SPATA17: variants seen among roughly 807,000 people sequenced by gnomAD.
The protein encoded by SPATA17 is spermatogenesis-associated protein 17.
A neutral mutation model predicts 62.2 loss-of-function variants in SPATA17; 53 were observed. That is an observed-to-expected ratio of 0.85 (90% CI 0.68 to 1.07). The LOEUF is 1.07. Among genes scored for constraint, SPATA17 ranks in the 50% least tolerant of loss-of-function variants. SPATA17 has a pLI of 0.00. For synonymous variants in SPATA17, 146 were observed against 146.8 expected (o/e 0.99, Z 0.04); for missense variants, 466 against 425.5 (o/e 1.10, Z -0.84).
chr1:217,836,719 C>A (rs1049544913), intron 9 of SPATA17, among the ~76,000 whole-genome samples: 1 of 152,110 alleles, frequency 6.6e-6, no homozygotes, highest in Non-Finnish European at 1.5e-5. Context: ...TAATTTCCAG[C>A]CTTCTCGGCT....
At chr1:217,738,689 C>T (rs1249446447) in intron 5 of SPATA17, among the ~76,000 whole-genome samples, 4 of 152,336 alleles carry the variant, frequency 2.6e-5, no homozygotes, top group South Asian at 2.1e-4. Flanking sequence ...CGATGGCTCA[C>T]GCCTGCAATC....
intron 9 of SPATA17, among the ~76,000 whole-genome samples, chr1:217,831,198 T>C (rs1174527900): frequency 2.6e-5 from 4 of 152,188 alleles, no homozygotes; most frequent in Non-Finnish European, 5.9e-5. Context: ...TTATGCTGTC[T>C]AACTAGCAAT....
At chr1:217,827,465 T>C (rs1238188171) in intron 9 of SPATA17, among the ~76,000 whole-genome samples, 2 of 152,126 alleles carry the variant, frequency 1.3e-5, no homozygotes, top group Non-Finnish European at 2.9e-5. Context: ...GAAGACAACA[T>C]GGCAATTCAT....
chr1:217,651,341 A>T (rs1670309150), intron 3 of SPATA17, among the ~76,000 whole-genome samples, 163 bp downstream of exon 3: 1 of 152,148 alleles, frequency 6.6e-6, no homozygotes, highest in African/African-American at 2.4e-5. Flanking sequence ...TCTTGAAAGC[A>T]TTTTCTGATA....
intron 6 of SPATA17, among the ~76,000 whole-genome samples, chr1:217,762,387 T>G (rs2102963938): frequency 6.6e-6 from 1 of 152,316 alleles, no homozygotes; most frequent in East Asian, 1.9e-4. Context: ...CTTCTCTGAC[T>G]TGGTTCCAAA....
chr1:217,684,995 T>C (rs1420974610), intron 5 of SPATA17, among the ~76,000 whole-genome samples: 1 of 152,012 alleles, frequency 6.6e-6, no homozygotes, highest in Non-Finnish European at 1.5e-5. Context: ...AGTAGGAAAA[T>C]TCAGAAACAC....
intron 6 of SPATA17, among the ~76,000 whole-genome samples, chr1:217,752,989 C>T (rs934915359): frequency 5.3e-5 from 8 of 152,164 alleles, no homozygotes; most frequent in African/African-American, 1.9e-4. Context: ...CTAGATTAAA[C>T]ATGTACCCAC....
intron 5 of SPATA17, among the ~76,000 whole-genome samples, chr1:217,738,622 C>T (rs1294529842): frequency 6.6e-6 from 1 of 152,168 alleles, no homozygotes; most frequent in African/African-American, 2.4e-5. Context: ...TAGTAAGGAG[C>T]ACAGCAGAGC....
chr1:217,738,307 A>G (rs910443599), intron 5 of SPATA17, among the ~76,000 whole-genome samples: 4 of 152,220 alleles, frequency 2.6e-5, no homozygotes, highest in African/African-American at 4.8e-5. Flanking sequence ...CATGCTCTAT[A>G]TTGTGTAATT....
chr1:217,860,001 C>T lies in SPATA17; in HGVS notation c.1006-2773C>T, dbSNP rs558992362. ...CTAAAGTGGAAGCTTTGATTATTGA[C>T]TTTAGATTTTTCTTCTTTTCTAGTA... On this transcript the variant is annotated intron_variant, in intron 9 of 10. Transcript: ENST00000366933. Among the ~76,000 whole-genome samples, 293 of 152,156 alleles carry T rather than the reference C, an allele frequency of 1.9e-3. 5 individuals carry two copies. In the South Asian group the frequency reaches 0.019, roughly 10 times the overall value.
At chr1:217,700,402 A>G (rs1264874464) in intron 5 of SPATA17, among the ~76,000 whole-genome samples, 1 of 152,140 alleles carries the variant, frequency 6.6e-6, no homozygotes, top group African/African-American at 2.4e-5. Context: ...TTTAAATCTA[A>G]TAATTTGGAA....
intron 5 of SPATA17, among the ~76,000 whole-genome samples, chr1:217,710,572 G>T (rs1048729235): frequency 2.0e-5 from 3 of 152,018 alleles, no homozygotes; most frequent in Admixed American, 6.6e-5. Flanking sequence ...GTATAATATA[G>T]TTTGGCTAGA....
intron 8 of SPATA17, among the ~76,000 whole-genome samples, chr1:217,798,575 T>C (rs1674213974): frequency 6.6e-6 from 1 of 151,320 alleles, no homozygotes; most frequent in Non-Finnish European, 1.5e-5. Flanking sequence ...GCATGTAATT[T>C]AGCAACAGAG....
intron 5 of SPATA17, among the ~76,000 whole-genome samples, chr1:217,698,476 G>C (rs1671512895): frequency 6.6e-6 from 1 of 151,620 alleles, no homozygotes. Flanking sequence ...TCAGAATGTG[G>C]CTGGGATTTC....
chr1:217,834,539 A>G (rs11117947), intron 9 of SPATA17, among the ~76,000 whole-genome samples: 4,179 of 152,224 alleles, frequency 0.027, 176 homozygotes, highest in African/African-American at 0.095. Context: ...TTATTTTTTA[A>G]CAAAAATTTT....
At chr1:217,817,078 A>G (rs1045895224) in intron 9 of SPATA17, among the ~76,000 whole-genome samples, 1 of 152,098 alleles carries the variant, frequency 6.6e-6, no homozygotes, top group African/African-American at 2.4e-5. Context: ...AGTAAATATT[A>G]TAGAAGTTGT....
intron 9 of SPATA17, among the ~76,000 whole-genome samples, chr1:217,804,562 C>T (rs935037921): frequency 2.6e-5 from 4 of 152,104 alleles, no homozygotes; most frequent in African/African-American, 9.7e-5. Flanking sequence ...AACCAAAAAG[C>T]TTTGCACAGC....
chr1:217,706,309 T>C (rs1671733392), intron 5 of SPATA17, among the ~76,000 whole-genome samples: 1 of 152,204 alleles, frequency 6.6e-6, no homozygotes, highest in Non-Finnish European at 1.5e-5. Flanking sequence ...GTGGCCATTT[T>C]AACAATATTG....
intron 5 of SPATA17, among the ~76,000 whole-genome samples, chr1:217,738,351 G>C (rs1029051152): frequency 6.6e-6 from 1 of 152,184 alleles, no homozygotes. Flanking sequence ...TCCAGAGAGA[G>C]AAAGGAGGAG....
Sources: gnomAD v4.1 joint callset for allele counts (sites outside exome capture counted in the v4.1 genomes callset) on GRCh38, gnomAD v4.1.1 for gene constraint, MANE v1.5 for transcripts, NCBI Gene and HGNC (gene_info 2026-07-23, HGNC 2026-07-21) for gene names.